MYO1D: variants seen among roughly 807,000 people sequenced by gnomAD.
MYO1D encodes myosin ID.
A neutral mutation model predicts 122.0 loss-of-function variants in MYO1D; 83 were observed. That is an observed-to-expected ratio of 0.68 (90% CI 0.57 to 0.82). MYO1D has a LOEUF of 0.82. MYO1D is among the 40% of genes least tolerant of loss of function. MYO1D has a pLI of 0.00. For missense variants in MYO1D, 1,157 were observed against 1,269.5 expected (o/e 0.91, Z 1.35); for synonymous variants, 464 against 446.9 (o/e 1.04, Z -0.48).
At chr17:32,686,965 A>G in intron 16 of MYO1D, among the ~76,000 whole-genome samples, 1 of 5,348 alleles carries the variant, frequency 1.9e-4, no homozygotes, top group African/African-American at 8.1e-4. Flanking sequence ...CTGTTTCAAA[A>G]CACACACACA....
At chr17:32,774,168 G>C (rs894914637) in intron 4 of MYO1D, among the ~76,000 whole-genome samples, 1 of 152,148 alleles carries the variant, frequency 6.6e-6, no homozygotes, top group African/African-American at 2.4e-5. Flanking sequence ...TCCTCTTAAA[G>C]AGGCGGCTGG....
chr17:32,659,325 G>A lies in MYO1D; in HGVS notation c.2135C>T (p.Thr712Ile), dbSNP rs139887773. 16 of 1,613,794 alleles carry A rather than the reference G, an allele frequency of 9.9e-6. 1 individual carries two copies. The highest frequency in any genetic ancestry group is 5.5e-5 in the South Asian group (5 of 91,070). Reference protein sequence around the residue: ...VLFLQKVWRGTLARMRYKRTK... With the variant: ...VLFLQKVWRGILARMRYKRTK... Reference sequence around the variant, plus strand: ...TCTTTTGTACCGCATGCGGGCCAGGGTGCCCCGCCACACCTTCACAATAGA... The same window carrying A: ...TCTTTTGTACCGCATGCGGGCCAGGATGCCCCGCCACACCTTCACAATAGA... The change falls in exon 17 of 22, where the codon ACC becomes ATC. Residue 712 changes from threonine to isoleucine, a missense_variant. Coordinates refer to ENST00000318217, the MANE Select transcript of MYO1D (RefSeq NM_015194.3).
At chr17:32,817,082 T>A (rs1298604951) in intron 1 of MYO1D, among the ~76,000 whole-genome samples, 2 of 152,194 alleles carry the variant, frequency 1.3e-5, no homozygotes, top group African/African-American at 4.8e-5. Context: ...ATCTGCTAGC[T>A]ACTTCACAGT....
chr17:32,609,827 T>C (rs2087676735), intron 20 of MYO1D, among the ~76,000 whole-genome samples: 1 of 152,172 alleles, frequency 6.6e-6, no homozygotes, highest in Non-Finnish European at 1.5e-5. Flanking sequence ...CCAATGTGGA[T>C]CGTGGGCTTT....
At chr17:32,515,152 G>A (rs1909845409) in intron 21 of MYO1D, among the ~76,000 whole-genome samples, 1 of 152,148 alleles carries the variant, frequency 6.6e-6, no homozygotes, top group Admixed American at 6.6e-5. Flanking sequence ...CTGGTTAGAC[G>A]AATGAAACCA....
intron 16 of MYO1D, chr17:32,659,571 T>A (rs574903669): frequency 4.0e-5 from 22 of 551,858 alleles, no homozygotes. Flanking sequence ...TACACTGAAG[T>A]GTGTGCTGAG....
intron 14 of MYO1D, among the ~76,000 whole-genome samples, chr17:32,735,384 T>A (rs1294950644): frequency 6.6e-6 from 1 of 152,220 alleles, no homozygotes; most frequent in East Asian, 1.9e-4. Flanking sequence ...GGTTTCACTA[T>A]GCTGGACAGG....
rs201395081 is a variant in MYO1D, at chr17:32,628,181, CTT to C, written c.2709+10539_2709+10540del. 5.9e-5 allele frequency among the ~76,000 whole-genome samples: 9 copies of C among 152,284 alleles called. No homozygotes were observed. The East Asian group carries it at 1.7e-3, about 29-fold the overall frequency. ...CTACTGTCCCTGTAAAAATTTTAAC[CTT>C]TGTTAACAATTTTACAACTAATGCT... On this transcript the variant is annotated intron_variant, in intron 20 of 21. Coordinates refer to ENST00000318217, the MANE Select transcript of MYO1D (RefSeq NM_015194.3).
intron 21 of MYO1D, among the ~76,000 whole-genome samples, chr17:32,567,445 C>T (rs2087184174): frequency 6.6e-6 from 1 of 152,216 alleles, no homozygotes; most frequent in Admixed American, 6.5e-5. Context: ...AACACAAACC[C>T]AACCACCAGG....
chr17:32,765,318 G>A (rs1204042789), intron 7 of MYO1D, among the ~76,000 whole-genome samples: 15 of 151,890 alleles, frequency 9.9e-5, no homozygotes, highest in East Asian at 1.9e-4. Context: ...TTATGTAATC[G>A]AATCTATGAA....
chr17:32,657,224 T>C (rs2088489690), intron 17 of MYO1D, among the ~76,000 whole-genome samples: 1 of 152,222 alleles, frequency 6.6e-6, no homozygotes, highest in Non-Finnish European at 1.5e-5. Context: ...ATTGAGATTT[T>C]AGAAAAACAA....
chr17:32,580,289 ATTTTTTTTTTTTTTTTTTTTTTTTTT>A (rs71144843), intron 21 of MYO1D, among the ~76,000 whole-genome samples: 1 of 39,118 alleles, frequency 2.6e-5, no homozygotes. Flanking sequence ...TGCTAAGAGG[ATTTTTTTTTTTTTTTTTTTTTTTTTT>A]TTTTTTTTTT....
At position 32,669,865 on chromosome 17, in the gene MYO1D, C is replaced by T. The variant is rs78031038; in HGVS notation, c.2122-10527G>A. Among the ~76,000 whole-genome samples, 1,280 of 151,720 alleles carry T rather than the reference C, an allele frequency of 8.4e-3. 13 individuals are homozygous for T. The highest frequency in any genetic ancestry group is 0.029 in the African/African-American group (1,214 of 41,432). ...TTTTATTTAGCTAATAAGAGGCATA[C>T]ACATTTGTCAGGAAAGACATTTTCT... is the stretch of plus-strand genomic sequence containing the variant. On this transcript the variant is annotated intron_variant, in intron 16 of 21. Transcript: ENST00000318217.
chr17:32,521,313 A>C (rs927603972), intron 21 of MYO1D, among the ~76,000 whole-genome samples: 4 of 152,150 alleles, frequency 2.6e-5, no homozygotes, highest in African/African-American at 7.2e-5. Flanking sequence ...AAGGCTCAAA[A>C]AACGCATATT....
chr17:32,569,046 A>G (rs2087199477), intron 21 of MYO1D, among the ~76,000 whole-genome samples: 1 of 152,222 alleles, frequency 6.6e-6, no homozygotes, highest in South Asian at 2.1e-4. Context: ...AGAAACTGTC[A>G]GTTGATAATA....
chr17:32,836,038 T>C (rs960712097), intron 1 of MYO1D, among the ~76,000 whole-genome samples: 18 of 152,222 alleles, frequency 1.2e-4, no homozygotes, highest in Non-Finnish European at 2.6e-4. Context: ...AAAACAAATC[T>C]CATTAACCAA....
At chr17:32,695,895 C>T (rs1384046167) in intron 16 of MYO1D, among the ~76,000 whole-genome samples, 1 of 152,198 alleles carries the variant, frequency 6.6e-6, no homozygotes, top group Non-Finnish European at 1.5e-5. Context: ...TAGCAGTTCT[C>T]AAAGTGTGGT....
At chr17:32,750,983 C>T (rs2089892701) in intron 11 of MYO1D, among the ~76,000 whole-genome samples, 1 of 152,010 alleles carries the variant, frequency 6.6e-6, no homozygotes, top group South Asian at 2.1e-4. Flanking sequence ...GGAAAAGGAC[C>T]CAAGAGATGT....
intron 2 of MYO1D, among the ~76,000 whole-genome samples, chr17:32,779,229 CAT>C (rs1470222366): frequency 6.6e-6 from 1 of 152,152 alleles, no homozygotes; most frequent in African/African-American, 2.4e-5. Flanking sequence ...AAAATACTAA[CAT>C]AACCAAATAA....
Sources: allele counts gnomAD v4.1 joint callset (sites outside exome capture counted in the v4.1 genomes callset), GRCh38; gene constraint gnomAD v4.1.1; transcripts MANE v1.5; gene names NCBI Gene and HGNC (gene_info 2026-07-23, HGNC 2026-07-21).